Variants in ZNF565 observed in about 807,000 individuals in gnomAD.
The protein encoded by ZNF565 is zinc finger protein 565.
A neutral mutation model predicts 39.4 loss-of-function variants in ZNF565; 27 were observed. The ratio of observed to expected loss-of-function variants is 0.69; its 90% CI spans 0.51 to 0.95. The LOEUF (loss-of-function observed/expected upper bound fraction) is 0.95. Among genes scored for constraint, ZNF565 ranks in the 40% least tolerant of loss-of-function variants. The pLI is 0.00. For missense variants in ZNF565, 524 were observed against 621.1 expected (o/e 0.84, Z 1.66); for synonymous variants, 185 against 216.6 (o/e 0.85, Z 1.28).
At chr19:36,201,299 C>T (rs1278348892) in intron 2 of ZNF565, among the ~76,000 whole-genome samples, 1 of 152,028 alleles carries the variant, frequency 6.6e-6, no homozygotes, top group East Asian at 1.9e-4. Context: ...GAGACCCTGT[C>T]TCAAAAAACG....
chr19:36,184,169 A>C (rs1975206436), intron 4 of ZNF565, among the ~76,000 whole-genome samples: 1 of 151,910 alleles, frequency 6.6e-6, no homozygotes, highest in South Asian at 2.1e-4. Context: ...TACATCTCAA[A>C]TATTATGCAA....
Position 36,195,043 on chromosome 19 carries a change from G to A in ZNF565, c.123C>T (p.His41=). The change falls in exon 3 of 5, where the codon CAC becomes CAT. Residue 41 remains histidine (H), a synonymous_variant. Coordinates refer to ENST00000304116, the MANE Select transcript of ZNF565 (RefSeq NM_152477.5). ...YREVTLENFG[H]LASLGLSISK... ...CAATCTCCTTACCTAGTGAGGCCAA[G>A]TGACCAAAGTTCTCCAGAGTCACCT... The A allele has an allele frequency of 6.2e-7, 1 of 1,614,162 alleles. No individual in the cohort carries two copies. Among genetic ancestry groups the A allele is most frequent in the Non-Finnish European group, 8.5e-7 (1 of 1,180,036 alleles).
chr19:36,219,121 T>C (rs1024601848), upstream of ZNF565, among the ~76,000 whole-genome samples: 1 of 152,196 alleles, frequency 6.6e-6, no homozygotes, highest in African/African-American at 2.4e-5. Context: ...TAAAATTTTC[T>C]GTGGATATTT....
chr19:36,203,810 C>G (rs1976054336), intron 1 of ZNF565, among the ~76,000 whole-genome samples: 1 of 152,008 alleles, frequency 6.6e-6, no homozygotes, highest in African/African-American at 2.4e-5. Context: ...CTCCTCACCT[C>G]AGGTGATCCG....
At chr19:36,223,456 G>A (rs955495665) in intron 1 of ZNF565, among the ~76,000 whole-genome samples, 3 of 151,434 alleles carry the variant, frequency 2.0e-5, no homozygotes, top group African/African-American at 4.8e-5. Context: ...TCCGCCTCCC[G>A]GGTTCACGCC....
intron 1 of ZNF565, among the ~76,000 whole-genome samples, chr19:36,239,299 G>A (rs934832187): frequency 6.6e-6 from 1 of 151,264 alleles, no homozygotes; most frequent in African/African-American, 2.4e-5. Flanking sequence ...GGAAACGTGT[G>A]CATTAAATAT....
At chr19:36,223,393 C>A (rs1340578807) in intron 1 of ZNF565, among the ~76,000 whole-genome samples, 1 of 151,744 alleles carries the variant, frequency 6.6e-6, no homozygotes, top group East Asian at 1.9e-4. Context: ...GATGGAGTAT[C>A]TCTCCGTCCC....
At chr19:36,217,837 A>G (rs964089900), upstream of ZNF565, among the ~76,000 whole-genome samples, 6 of 151,550 alleles carry the variant, frequency 4.0e-5, no homozygotes, top group African/African-American at 1.2e-4. Flanking sequence ...GTGAACAGAG[A>G]TTGCGCCATT....
upstream of ZNF565, among the ~76,000 whole-genome samples, chr19:36,218,740 A>T (rs898463669): frequency 6.6e-6 from 1 of 151,972 alleles, no homozygotes; most frequent in Non-Finnish European, 1.5e-5. Flanking sequence ...AAGTCCTGGC[A>T]TTACAGGCGT....
At chr19:36,224,350 G>C (rs11882933) in intron 1 of ZNF565, among the ~76,000 whole-genome samples, 39,622 of 152,054 alleles carry the variant, frequency 0.26, 5,587 homozygotes, top group African/African-American at 0.38. Context: ...CCACTGCACT[G>C]CAGCCTGGGC....
chr19:36,238,013 A>G (rs144203288), intron 1 of ZNF565: 1 of 167,258 alleles, frequency 6.0e-6, no homozygotes, highest in East Asian at 1.9e-4. Context: ...TCTACTTATG[A>G]GTATGAATGC....
At chr19:36,201,632 G>A (rs1401217139) in intron 2 of ZNF565, among the ~76,000 whole-genome samples, 1 of 152,022 alleles carries the variant, frequency 6.6e-6, no homozygotes, top group Non-Finnish European at 1.5e-5. Flanking sequence ...GTGGTACCAT[G>A]CCCGGCTAAT....
intron 1 of ZNF565, among the ~76,000 whole-genome samples, chr19:36,244,427 C>A (rs1977846647): frequency 2.0e-5 from 3 of 152,122 alleles, no homozygotes; most frequent in African/African-American, 7.2e-5. Flanking sequence ...GGGTACCTGT[C>A]ATCCCAGCTA....
upstream of ZNF565, among the ~76,000 whole-genome samples, chr19:36,216,562 G>A (rs1004476383): frequency 1.1e-4 from 17 of 152,152 alleles, no homozygotes; most frequent in African/African-American, 4.1e-4. Flanking sequence ...GGAGGCTGAG[G>A]CAGGAAAATC....
intron 1 of ZNF565, among the ~76,000 whole-genome samples, chr19:36,231,144 C>CT (rs1977346101): frequency 6.6e-6 from 1 of 152,188 alleles, no homozygotes; most frequent in South Asian, 2.1e-4. Context: ...AGGTGTATCA[C>CT]TTGAGGCCAG....
At chr19:36,217,100 T>C (rs2145389730), upstream of ZNF565, among the ~76,000 whole-genome samples, 1 of 139,420 alleles carries the variant, frequency 7.2e-6, no homozygotes, top group South Asian at 2.5e-4. Context: ...TCTCTCTCTC[T>C]TGCCCAGTCT....
intron 2 of ZNF565, among the ~76,000 whole-genome samples, chr19:36,200,677 C>T (rs1276211016): frequency 4.0e-5 from 6 of 151,156 alleles, no homozygotes; most frequent in East Asian, 2.0e-4. Flanking sequence ...TTAGTAGAGA[C>T]GGGGTTTCAC....
intron 4 of ZNF565, among the ~76,000 whole-genome samples, chr19:36,189,559 T>A (rs539566350): frequency 6.6e-6 from 1 of 151,688 alleles, no homozygotes; most frequent in East Asian, 2.0e-4. Context: ...TGATCTCAGG[T>A]GATCTGCCCA....
At chr19:36,206,605 C>T (rs370416732) in intron 1 of ZNF565, among the ~76,000 whole-genome samples, 25 of 151,984 alleles carry the variant, frequency 1.6e-4, no homozygotes, top group African/African-American at 4.1e-4. Context: ...GCGAGGCACG[C>T]GGATCACTTG....
Sources: gnomAD v4.1 joint callset for allele counts (sites outside exome capture counted in the v4.1 genomes callset) on GRCh38, gnomAD v4.1.1 for gene constraint, MANE v1.5 for transcripts, NCBI Gene and HGNC (gene_info 2026-07-23, HGNC 2026-07-21) for gene names.